CDKN2A: variants seen among roughly 807,000 people sequenced by gnomAD.
CDKN2A encodes the protein cyclin-dependent kinase inhibitor 2A.
Under a neutral mutation model 11.1 loss-of-function variants are expected in CDKN2A, and 3 were observed. That is an observed-to-expected ratio of 0.27 (90% CI 0.12 to 0.70). The LOEUF is 0.70. Among genes scored for constraint, CDKN2A ranks in the 30% least tolerant of loss-of-function variants. The pLI is 0.77. For synonymous variants in CDKN2A, 122 were observed against 108.1 expected, an observed-to-expected ratio of 1.13 and a Z score of -0.80; for missense variants, 265 against 233.6, an observed-to-expected ratio of 1.13 and a Z score of -0.88.
intron 2 of CDKN2A, among the ~76,000 whole-genome samples, chr9:21,985,409 C>CA (rs1340501761): frequency 6.6e-6 from 1 of 151,894 alleles, no homozygotes; most frequent in Non-Finnish European, 1.5e-5. Context: ...GTAAGGATGA[C>CA]AGTAATGTTT....
At chr9:21,992,446 C>T (rs187456809) in intron 2 of CDKN2A, 40 of 981,468 alleles carry the variant, frequency 4.1e-5, no homozygotes, top group African/African-American at 1.0e-4. Context: ...CTGAAGATTG[C>T]GCTTTTCACA....
chr9:21,973,805 T>C (rs564646943), intron 1 of CDKN2A, among the ~76,000 whole-genome samples: 1 of 152,372 alleles, frequency 6.6e-6, no homozygotes, highest in African/African-American at 2.4e-5. Context: ...CCTAAGTTCC[T>C]ACAGCAAACA....
Position 21,993,964 on chromosome 9 carries a change from A to G in CDKN2A, c.-86T>C, listed in dbSNP as rs1445070811. Reference sequence around the variant, plus strand: ...CTGTGTGAAGGGAGGTCCAGGTTCAATGGTACTGCGAGAACCACATGTCTA... The same window carrying G: ...CTGTGTGAAGGGAGGTCCAGGTTCAGTGGTACTGCGAGAACCACATGTCTA... On this transcript the variant is annotated 5_prime_UTR_variant, in exon 2 of 4. Transcript: ENST00000494262. 2.2e-5 allele frequency: 16 copies of G among 720,238 alleles called. No individual in the cohort carries two copies. The South Asian group carries it at 2.5e-4, about 11-fold the overall frequency. 44.6% of individuals were successfully genotyped at this position (720,238 alleles called of 1,614,324 possible).
chr9:21,969,094 G>C (rs1399945704), intron 2 of CDKN2A, among the ~76,000 whole-genome samples: 2 of 152,164 alleles, frequency 1.3e-5, no homozygotes, highest in Non-Finnish European at 2.9e-5. Flanking sequence ...TCTGAAAATA[G>C]ATTGTTATCT....
At position 21,974,329 on chromosome 9, in the gene CDKN2A, G is replaced by T; in HGVS notation, c.150+349C>A. 7.9e-7 allele frequency: 1 copy of T among 1,273,240 alleles called. No individual in the cohort carries two copies. The highest frequency in any genetic ancestry group is 1.0e-6 in the Non-Finnish European group (1 of 953,082). 78.9% of individuals were successfully genotyped at this position (1,273,240 alleles called of 1,614,324 possible). ...GTGAATTGGAGGCTAAGTAGTCCCA[G>T]CACATCTTACATTTCTTTAAGACTC... On this transcript the variant is annotated intron_variant, in intron 1 of 2. Coordinates refer to ENST00000304494, the MANE Select transcript of CDKN2A (RefSeq NM_000077.5). This position sits in a 1 kb window ranked among gnomAD's most constrained non-coding sequence, Gnocchi z 5.2.
chr9:21,986,743 AG>A (rs1820306996), intron 2 of CDKN2A, among the ~76,000 whole-genome samples: 1 of 152,136 alleles, frequency 6.6e-6, no homozygotes, highest in Non-Finnish European at 1.5e-5. Context: ...TGATTTAGGA[AG>A]AAAGTTTCAA....
intron 2 of CDKN2A, among the ~76,000 whole-genome samples, chr9:21,983,140 T>C (rs1820232820): frequency 6.6e-6 from 1 of 152,082 alleles, no homozygotes; most frequent in Admixed American, 6.6e-5. Flanking sequence ...TAGTAATACA[T>C]AGTGATAGAA....
At chr9:21,985,924 A>G (rs1820289078) in intron 2 of CDKN2A, among the ~76,000 whole-genome samples, 2 of 152,018 alleles carry the variant, frequency 1.3e-5, no homozygotes, top group Non-Finnish European at 2.9e-5. Context: ...AATTATAATG[A>G]AGTAGGTATT....
Position 21,982,468 on chromosome 9 carries a change from C to CT in CDKN2A, c.-3-11261dup, listed in dbSNP as rs932067548. 2.7e-4 allele frequency among the ~76,000 whole-genome samples: 40 copies of CT among 149,576 alleles called. No homozygotes were observed. The East Asian group carries it at 5.8e-3, about 22-fold the overall frequency. On this transcript the variant is annotated intron_variant, in intron 2 of 3. Coordinates refer to the CDKN2A transcript ENST00000494262. ...GCTCATGGAGACAATTATTCCTTAA[C>CT]TTTTTTGTAAATTTTTTTTATGTTG...
In CDKN2A at chr9:21,968,152, G is replaced by A. The variant is rs2131078840; in HGVS notation, c.*77C>T. Reference sequence around the variant, plus strand: ...GAAAGCGGGGTGGGTTGTGGCGGGGGCAGTTGTGGCCCTGTAGGACCTTCG... The same window carrying A: ...GAAAGCGGGGTGGGTTGTGGCGGGGACAGTTGTGGCCCTGTAGGACCTTCG... On this transcript the variant is annotated 3_prime_UTR_variant, in exon 3 of 3. Coordinates refer to ENST00000304494, the MANE Select transcript of CDKN2A (RefSeq NM_000077.5). This position sits in a 1 kb window ranked among gnomAD's most constrained non-coding sequence, Gnocchi z 4.7. The A allele has an allele frequency of 8.1e-7, 1 of 1,230,040 alleles. No homozygotes were observed. Among genetic ancestry groups the A allele is most frequent in the Non-Finnish European group, 1.2e-6 (1 of 836,836 alleles). The allele number at this position is 1,230,040 out of a possible 1,614,324, so 76.2% of individuals were successfully genotyped here.
chr9:21,992,079 A>G, intron 2 of CDKN2A: 1 of 897,776 alleles, frequency 1.1e-6, no homozygotes. Flanking sequence ...GAATTTTAGT[A>G]TATGTATTTC....
intron 1 of CDKN2A, among the ~76,000 whole-genome samples, chr9:21,973,193 T>C (rs750833984): frequency 1.3e-5 from 2 of 152,178 alleles, no homozygotes; most frequent in Non-Finnish European, 2.9e-5. Context: ...AAGTAACCCA[T>C]ATGTAAATAT....
intron 2 of CDKN2A, chr9:21,970,129 G>A (rs1819636750): frequency 1.2e-5 from 3 of 258,854 alleles, no homozygotes; most frequent in Non-Finnish European, 2.2e-5. Context: ...GGCAGTTTCA[G>A]CAGACAGCTG....
rs527814073 is a variant in CDKN2A, at chr9:21,968,734, C to T, written c.458-492G>A. 6.5e-7 allele frequency: 1 copy of T among 1,536,164 alleles called. No individual in the cohort carries two copies. Among genetic ancestry groups the T allele is most frequent in the Non-Finnish European group, 8.7e-7 (1 of 1,146,908 alleles). On this transcript the variant is annotated intron_variant, in intron 2 of 2. Coordinates refer to ENST00000304494, the MANE Select transcript of CDKN2A (RefSeq NM_000077.5). The surrounding 1 kb of genome is among the most constrained non-coding windows in gnomAD (Gnocchi z 4.7). ...GAATCCCGTAGCTTCCCTACGCATGCCTGCTTCTACAAACCCACAAATGGT... is the reference window on the plus strand; with the variant it reads ...GAATCCCGTAGCTTCCCTACGCATGTCTGCTTCTACAAACCCACAAATGGT...
chr9:21,992,415 T>C (rs2131143438), intron 2 of CDKN2A: 2 of 984,758 alleles, frequency 2.0e-6, no homozygotes. Flanking sequence ...ATCCAAGCTG[T>C]GTTCTATCTT....
intron 1 of CDKN2A, chr9:21,971,479 C>A (rs1252419488): frequency 1.4e-5 from 11 of 774,194 alleles, no homozygotes; most frequent in Non-Finnish European, 1.9e-5. Flanking sequence ...AGCAAAGGGG[C>A]AGGGACAGAC....
At chr9:21,992,946 A>G (rs969421104) in intron 2 of CDKN2A, among the ~76,000 whole-genome samples, 29 of 152,330 alleles carry the variant, frequency 1.9e-4, no homozygotes, top group African/African-American at 7.0e-4. Context: ...AATTAAAAAA[A>G]TTAACTTGCA....
chr9:21,992,386 A>G, intron 2 of CDKN2A: 1 of 981,892 alleles, frequency 1.0e-6, no homozygotes, highest in Non-Finnish European at 1.2e-6. Flanking sequence ...GGAAAATTGC[A>G]TATATTTCAA....
At chr9:21,971,427 C>T (rs1197803231) in intron 1 of CDKN2A, 1 of 1,409,172 alleles carries the variant, frequency 7.1e-7, no homozygotes. Context: ...TTCTGCGGAG[C>T]TGTCGTCACA....
Sources: gnomAD v4.1 joint callset for allele counts (sites outside exome capture counted in the v4.1 genomes callset) on GRCh38, gnomAD v4.1.1 for gene constraint, Gnocchi (gnomAD v3.1) non-coding constraint, MANE v1.5 for transcripts, NCBI Gene and HGNC (gene_info 2026-07-23, HGNC 2026-07-21) for gene names.